Variants in LEF1 observed in about 807,000 individuals in gnomAD.
LEF1 encodes the protein lymphoid enhancer-binding factor 1.
A neutral mutation model predicts 51.2 loss-of-function variants in LEF1; 14 were observed. That is an observed-to-expected ratio of 0.27 (90% CI 0.18 to 0.43). The LOEUF is 0.43. LEF1 is among the 20% of genes least tolerant of loss of function. The pLI, the probability that LEF1 is intolerant of heterozygous loss-of-function variation, is 1.00. For missense variants in LEF1, 386 were observed against 512.0 expected, an observed-to-expected ratio of 0.75 and a Z score of 2.37; for synonymous variants, 185 against 183.2, an observed-to-expected ratio of 1.01 and a Z score of -0.08.
chr4:108,110,441 T>C (rs1389156297), intron 3 of LEF1, among the ~76,000 whole-genome samples: 2 of 152,208 alleles, frequency 1.3e-5, no homozygotes. Context: ...GCTAATAGGA[T>C]GATTGCAATT....
intron 3 of LEF1, among the ~76,000 whole-genome samples, chr4:108,093,427 G>A (rs1346159004): frequency 1.3e-5 from 2 of 152,128 alleles, no homozygotes; most frequent in African/African-American, 4.8e-5. Flanking sequence ...GAGGGAGAGA[G>A]GGTAAAAATC....
At chr4:108,069,979 A>G (rs1220259299) in intron 9 of LEF1, among the ~76,000 whole-genome samples, 1 of 151,932 alleles carries the variant, frequency 6.6e-6, no homozygotes. Flanking sequence ...AAAACGCAAA[A>G]TAACTTTAAA....
intron 11 of LEF1, among the ~76,000 whole-genome samples, chr4:108,050,076 T>C (rs1415018110): frequency 1.3e-5 from 2 of 152,226 alleles, no homozygotes; most frequent in Non-Finnish European, 2.9e-5. Flanking sequence ...AGAAGCTATT[T>C]GTATACCTGG....
At chr4:108,140,921 A>G (rs1422346897) in intron 3 of LEF1, among the ~76,000 whole-genome samples, 3 of 152,218 alleles carry the variant, frequency 2.0e-5, no homozygotes, top group Non-Finnish European at 2.9e-5. Flanking sequence ...ACTGACAAAA[A>G]TCATTTCCCC....
At chr4:108,086,227 A>G (rs1739636837) in intron 4 of LEF1, among the ~76,000 whole-genome samples, 2 of 152,182 alleles carry the variant, frequency 1.3e-5, no homozygotes, top group South Asian at 4.1e-4. Context: ...CACATTTCAC[A>G]TCATTTTTTT....
intron 11 of LEF1, among the ~76,000 whole-genome samples, chr4:108,055,234 G>A (rs1314955863): frequency 6.6e-6 from 1 of 152,068 alleles, no homozygotes; most frequent in African/African-American, 2.4e-5. Context: ...TGGGTACAGG[G>A]TATAGTCCCA....
chr4:108,102,994 G>T (rs548004486), intron 3 of LEF1, among the ~76,000 whole-genome samples: 1 of 152,318 alleles, frequency 6.6e-6, no homozygotes, highest in South Asian at 2.1e-4. Context: ...GCTCAGCAAA[G>T]TCCAAAAGCA....
intron 3 of LEF1, among the ~76,000 whole-genome samples, chr4:108,154,323 C>T (rs940152253): frequency 6.6e-6 from 1 of 151,130 alleles, no homozygotes; most frequent in East Asian, 1.9e-4. Flanking sequence ...CTGTCGCTGA[C>T]GATGGATCCT....
intron 7 of LEF1, 113 bp from the exon 8 acceptor site, chr4:108,078,495 A>G (rs777689629): frequency 2.2e-6 from 3 of 1,349,650 alleles, no homozygotes; most frequent in Non-Finnish European, 3.2e-6. Flanking sequence ...GATGGCGACA[A>G]CCCTCTCACC....
intron 3 of LEF1, among the ~76,000 whole-genome samples, chr4:108,117,292 C>T (rs1204199477): frequency 1.3e-5 from 2 of 152,118 alleles, no homozygotes; most frequent in Non-Finnish European, 2.9e-5. Context: ...ATTTACTCGA[C>T]ATGTTGTAAA....
chr4:108,102,326 G>A (rs1740881667), intron 3 of LEF1, among the ~76,000 whole-genome samples: 1 of 152,140 alleles, frequency 6.6e-6, no homozygotes, highest in South Asian at 2.1e-4. Flanking sequence ...TTCCAGCGTA[G>A]GGACCTGTAA....
At chr4:108,148,370 A>G (rs1046467998) in intron 3 of LEF1, among the ~76,000 whole-genome samples, 1 of 152,156 alleles carries the variant, frequency 6.6e-6, no homozygotes, top group Non-Finnish European at 1.5e-5. Flanking sequence ...ATTCCCCACC[A>G]TGCTTCAAAT....
intron 11 of LEF1, among the ~76,000 whole-genome samples, chr4:108,058,037 C>T (rs1219594301): frequency 6.6e-6 from 1 of 151,996 alleles, no homozygotes; most frequent in African/African-American, 2.4e-5. Flanking sequence ...CCACACCTGG[C>T]TAATTTTTTG....
At chr4:108,078,513 AC>A in intron 7 of LEF1, 131 bp from the exon 8 acceptor site, 9 of 1,127,744 alleles carry the variant, frequency 8.0e-6, no homozygotes, top group Non-Finnish European at 1.2e-5. Flanking sequence ...ACCCCAGACC[AC>A]CACCAACTTG....
At chr4:108,127,921 C>T (rs1178174101) in intron 3 of LEF1, among the ~76,000 whole-genome samples, 1 of 152,136 alleles carries the variant, frequency 6.6e-6, no homozygotes, top group East Asian at 1.9e-4. Context: ...GCCCTGAATC[C>T]TCTCTGTAGG....
chr4:108,054,810 A>G (rs960595768), intron 11 of LEF1, among the ~76,000 whole-genome samples: 1 of 152,262 alleles, frequency 6.6e-6, no homozygotes, highest in African/African-American at 2.4e-5. Flanking sequence ...ATAGGCAGTT[A>G]GAAAAATTTA....
At chr4:108,111,815 G>T (rs914746168) in intron 3 of LEF1, among the ~76,000 whole-genome samples, 1 of 152,216 alleles carries the variant, frequency 6.6e-6, no homozygotes, top group Non-Finnish European at 1.5e-5. Flanking sequence ...TCAGAAGGTT[G>T]AGGTGGGCGA....
At chr4:108,077,977 G>A (rs4956155) in intron 8 of LEF1, among the ~76,000 whole-genome samples, 110,241 of 152,128 alleles carry the variant, frequency 0.72, 43,212 homozygotes, top group East Asian at 0.96. Context: ...GGAGGTCAAG[G>A]CTGCAGTGAA....
intron 3 of LEF1, among the ~76,000 whole-genome samples, chr4:108,147,491 T>C (rs1320231295): frequency 1.3e-5 from 2 of 152,148 alleles, no homozygotes; most frequent in Admixed American, 6.5e-5. Flanking sequence ...TAGGAGGAAA[T>C]ATTTCTTTTT....
Sources: gnomAD v4.1 joint callset for allele counts (sites outside exome capture counted in the v4.1 genomes callset) on GRCh38, gnomAD v4.1.1 for gene constraint, MANE v1.5 for transcripts, NCBI Gene and HGNC (gene_info 2026-07-23, HGNC 2026-07-21) for gene names.